Variants in CYFIP1 observed in about 807,000 individuals in gnomAD.
The protein encoded by CYFIP1 is cytoplasmic FMR1 interacting protein 1, also known as cytoplasmic FMR1-interacting protein 1.
Under a neutral mutation model 163.5 loss-of-function variants are expected in CYFIP1, and 58 were observed. That is an observed-to-expected ratio of 0.35 (90% CI 0.29 to 0.44). CYFIP1 has a LOEUF of 0.44. CYFIP1 is among the 20% of genes least tolerant of loss of function. The probability of loss-of-function intolerance (pLI) is 1.00; values close to 1 mark genes in which losing one functional copy is unlikely to be tolerated. For missense variants in CYFIP1, 1,338 were observed against 1,653.8 expected (o/e 0.81, Z 3.31); for synonymous variants, 663 against 660.7 (o/e 1.00, Z -0.05).
chr15:22,972,637 G>A (rs1337537303), intron 1 of CYFIP1, among the ~76,000 whole-genome samples: 3 of 152,144 alleles, frequency 2.0e-5, no homozygotes, highest in Admixed American at 6.5e-5. Context: ...ACGGTGTTGA[G>A]AAAACTAGAT....
Position 22,870,011 on chromosome 15 carries a change from G to C in CYFIP1, c.*17C>G, listed in dbSNP as rs772549237. 1.9e-6 allele frequency: 3 copies of C among 1,561,934 alleles called. No individual in the cohort carries two copies. Among genetic ancestry groups the C allele is most frequent in the Non-Finnish European group, 2.6e-6 (3 of 1,159,952 alleles). On this transcript the variant is annotated 3_prime_UTR_variant, in exon 31 of 31. Coordinates refer to ENST00000617928, the MANE Select transcript of CYFIP1 (RefSeq NM_014608.6). ...GAAAGGCATGCCATGTTGAGTTACGGAGTGCAGCGCGTGCCCTCAGCTGCT... is the reference window on the plus strand; with the variant it reads ...GAAAGGCATGCCATGTTGAGTTACGCAGTGCAGCGCGTGCCCTCAGCTGCT...
intron 23 of CYFIP1, among the ~76,000 whole-genome samples, chr15:22,885,471 G>A (rs914250709): frequency 2.0e-5 from 3 of 152,146 alleles, no homozygotes; most frequent in Non-Finnish European, 2.9e-5. Context: ...GGTGGCTCAC[G>A]CCTGTAATCC....
chr15:22,934,177 CTTTTTTT>C (rs1163626431), intron 9 of CYFIP1, among the ~76,000 whole-genome samples: 724 of 66,096 alleles, frequency 0.011, 1 homozygote, highest in African/African-American at 0.042. Flanking sequence ...GCATTTCTTT[CTTTTTTT>C]TTTTTTTTTT....
At chr15:22,926,413 C>T (rs2061359010) in intron 12 of CYFIP1, among the ~76,000 whole-genome samples, 2 of 152,270 alleles carry the variant, frequency 1.3e-5, no homozygotes, top group South Asian at 2.1e-4. Context: ...TGGCTCATGC[C>T]TATGACCCCA....
chr15:22,917,295 G>T lies in CYFIP1; in HGVS notation c.1674+493C>A. The T allele has an allele frequency of 7.4e-7, 1 of 1,357,308 alleles. No homozygotes were observed. The highest frequency in any genetic ancestry group is 2.8e-5 in the East Asian group (1 of 35,392). The allele number at this position is 1,357,308 out of a possible 1,614,324, so 84.1% of individuals were successfully genotyped here. Reference sequence around the variant, plus strand: ...AGCCCCAGGACGGAGGACAGACGCAGCGGTGTGGATTAAACCGGGTGTGAA... The same window carrying T: ...AGCCCCAGGACGGAGGACAGACGCATCGGTGTGGATTAAACCGGGTGTGAA... On this transcript the variant is annotated intron_variant, in intron 15 of 30. Transcript: ENST00000617928. The surrounding 1 kb of genome is among the most constrained non-coding windows in gnomAD (Gnocchi z 4.2).
chr15:22,879,251 G>C (rs1446184137), intron 26 of CYFIP1, among the ~76,000 whole-genome samples: 1 of 152,206 alleles, frequency 6.6e-6, no homozygotes, highest in Non-Finnish European at 1.5e-5. Flanking sequence ...AGTCACGATG[G>C]AAGGCAGGAG....
rs1406195438 is a variant in CYFIP1, at chr15:22,868,203, T to C, written c.*1825A>G. On this transcript the variant is annotated 3_prime_UTR_variant, in exon 31 of 31. Transcript: ENST00000617928. ...TTATTGGCCTTCTAAGGAGCTGTTTTAGATGTTTTTTCTAACTGCCTCCTC... is the reference window on the plus strand; with the variant it reads ...TTATTGGCCTTCTAAGGAGCTGTTTCAGATGTTTTTTCTAACTGCCTCCTC... 1 of 152,194 alleles carries C rather than the reference T, an allele frequency of 6.6e-6. No individual in the cohort carries two copies. The highest frequency in any genetic ancestry group is 1.9e-4 in the East Asian group (1 of 5,206). 9.4% of individuals were successfully genotyped at this position (152,194 alleles called of 1,614,324 possible).
At chr15:22,916,929 G>A (rs371483188) in intron 15 of CYFIP1, 92 of 1,551,616 alleles carry the variant, frequency 5.9e-5, no homozygotes, top group African/African-American at 4.0e-4. Context: ...CCTCAGAAAC[G>A]TGTTAACCGC....
Position 22,912,261 on chromosome 15 carries a change from G to T in CYFIP1, c.2000C>A (p.Ser667Tyr), listed in dbSNP as rs1357620126. The change falls in exon 18 of 31, where the codon TCC becomes TAC. Residue 667 changes from serine to tyrosine, a missense_variant. Around this residue, in one of 4 missense-constraint regions of CYFIP1, gnomAD observed 824 missense variants for 995.7 expected, o/e 0.83. Transcript: ENST00000617928. ...GGCGCTGTCATTGTACAGGTCCAGG[G>T]AGTAGAGCACGTACCTGCAGAGGAC... Reference protein sequence around the residue: ...EASMMEYVLYSLDLYNDSAHY... With the variant: ...EASMMEYVLYYLDLYNDSAHY... The T allele has an allele frequency of 1.2e-6, 2 of 1,613,278 alleles. No individual in the cohort carries two copies. The highest frequency in any genetic ancestry group is 1.7e-5 in the Admixed American group (1 of 59,862).
At chr15:22,881,441 AG>A (rs2059759575) in intron 25 of CYFIP1, among the ~76,000 whole-genome samples, 1 of 152,044 alleles carries the variant, frequency 6.6e-6, no homozygotes, top group African/African-American at 2.4e-5. Flanking sequence ...CACCTGCCTG[AG>A]GGCCCTGCAG....
intron 1 of CYFIP1, among the ~76,000 whole-genome samples, chr15:22,980,030 C>A (rs2063422228): frequency 6.6e-6 from 1 of 152,022 alleles, no homozygotes; most frequent in South Asian, 2.1e-4. Context: ...GCCGGGGGCG[C>A]AGGGACCGGG....
At chr15:22,949,915 G>C (rs2062193797) in intron 1 of CYFIP1, among the ~76,000 whole-genome samples, 1 of 151,714 alleles carries the variant, frequency 6.6e-6, no homozygotes, top group Admixed American at 6.6e-5. Context: ...GATCACTTGA[G>C]TCCAGGAGTT....
intron 1 of CYFIP1, among the ~76,000 whole-genome samples, chr15:22,949,785 A>C (rs961451010): frequency 6.6e-6 from 1 of 152,082 alleles, no homozygotes. Context: ...GACTTTTCAG[A>C]TCCTCAGCAG....
intron 11 of CYFIP1, among the ~76,000 whole-genome samples, chr15:22,928,328 A>T (rs1256433129): frequency 6.6e-6 from 1 of 152,150 alleles, no homozygotes; most frequent in Admixed American, 6.5e-5. Flanking sequence ...GCTTGCAGTG[A>T]GCCGACACTG....
intron 23 of CYFIP1, among the ~76,000 whole-genome samples, chr15:22,892,158 C>T (rs939715378): frequency 2.6e-5 from 4 of 152,248 alleles, no homozygotes; most frequent in African/African-American, 9.6e-5. Flanking sequence ...ATTGTTCCTT[C>T]CCCAGCTCCG....
intron 23 of CYFIP1, among the ~76,000 whole-genome samples, chr15:22,883,462 T>C (rs2059829751): frequency 6.6e-6 from 1 of 152,050 alleles, no homozygotes; most frequent in Admixed American, 6.5e-5. Flanking sequence ...TTAGGGTGTG[T>C]ATTAGTCCGT....
chr15:22,939,334 C>T lies in CYFIP1; in HGVS notation c.667-14G>A, dbSNP rs755936863. ...CTGCTGCAGAGACTGAAACACAGAG[C>T]AAGAGACTCATGCATGGGCCCGGCG... On this transcript the variant is annotated splice_polypyrimidine_tract_variant and intron_variant, in intron 7 of 30. Coordinates refer to ENST00000617928, the MANE Select transcript of CYFIP1 (RefSeq NM_014608.6). 2.5e-6 allele frequency: 4 copies of T among 1,614,000 alleles called. 1 individual carries two copies. The highest frequency in any genetic ancestry group is 2.7e-5 in the African/African-American group (2 of 74,902).
At chr15:22,888,913 C>A (rs1445365478) in intron 23 of CYFIP1, among the ~76,000 whole-genome samples, 1 of 151,562 alleles carries the variant, frequency 6.6e-6, no homozygotes, top group East Asian at 1.9e-4. Flanking sequence ...TGGTGGCACA[C>A]TCCTGTAATC....
intron 1 of CYFIP1, among the ~76,000 whole-genome samples, chr15:22,975,580 G>A (rs2063241420): frequency 6.6e-6 from 1 of 151,782 alleles, no homozygotes; most frequent in Admixed American, 6.6e-5. Flanking sequence ...GACCAACACA[G>A]TGAAACCCCC....
Sources: gnomAD v4.1 joint callset for allele counts (sites outside exome capture counted in the v4.1 genomes callset) on GRCh38, gnomAD v4.1.1 for gene constraint, gnomAD v4.1.1 regional missense constraint, Gnocchi (gnomAD v3.1) non-coding constraint, MANE v1.5 for transcripts, NCBI Gene and HGNC (gene_info 2026-07-23, HGNC 2026-07-21) for gene names.